The following COL13A1 variants were observed in gnomAD, a reference collection of about 807,000 sequenced individuals.
The protein encoded by COL13A1 is collagen alpha-1(XIII) chain.
A neutral mutation model predicts 130.9 loss-of-function variants in COL13A1; 89 were observed. That is an observed-to-expected ratio of 0.68 (90% CI 0.57 to 0.81). The LOEUF (loss-of-function observed/expected upper bound fraction) is 0.81. COL13A1 is among the 30% of genes least tolerant of loss of function. The pLI is 0.00. For missense variants in COL13A1, 879 were observed against 934.6 expected (o/e 0.94, Z 0.78); for synonymous variants, 402 against 341.6 (o/e 1.18, Z -1.95).
At chr10:69,843,099 CT>C (rs1363301286) in intron 2 of COL13A1, among the ~76,000 whole-genome samples, 1 of 152,174 alleles carries the variant, frequency 6.6e-6, no homozygotes, top group Admixed American at 6.5e-5. Context: ...GGGGTTATCT[CT>C]TCCAGCACCC....
chr10:69,877,191 T>A (rs1366235513), intron 5 of COL13A1: 1 of 152,266 alleles, frequency 6.6e-6, no homozygotes, highest in Non-Finnish European at 1.5e-5. Context: ...AGGTGTGACA[T>A]GCCTGGGTCA....
chr10:69,905,651 C>A, intron 16 of COL13A1, 136 bp from the exon 17 acceptor site: 1 of 901,314 alleles, frequency 1.1e-6, no homozygotes, highest in Non-Finnish European at 1.8e-6. Flanking sequence ...CCTGGGAAGG[C>A]TGGAGATGGG....
At chr10:69,857,350 G>A (rs2763353) in intron 2 of COL13A1, among the ~76,000 whole-genome samples, 125,203 of 152,150 alleles carry the variant, frequency 0.82, 51,840 homozygotes, top group East Asian at 0.95. Context: ...TGAGCCCTGC[G>A]TGGGTTCCAG....
Position 69,812,785 on chromosome 10 carries a change from A to C in COL13A1, c.295-9584A>C, listed in dbSNP as rs367565641. On this transcript the variant is annotated intron_variant, in intron 1 of 40. Transcript: ENST00000645393. The stretch of plus-strand genomic sequence containing the variant: ...CTTTTGCACCAACCTACTCCATGCA[A>C]GATCCTTGCCTGGCTCCTAAGAAGT... 2.0e-4 allele frequency among the ~76,000 whole-genome samples: 31 copies of C among 152,394 alleles called. 1 individual carries two copies. In the East Asian group the frequency reaches 5.2e-3, roughly 26 times the overall value.
chr10:69,816,842 A>T (rs1844669552), intron 1 of COL13A1, among the ~76,000 whole-genome samples: 1 of 152,158 alleles, frequency 6.6e-6, no homozygotes. Flanking sequence ...ACAGTAGGGG[A>T]AGAGCCAGGT....
chr10:69,916,574 T>C (rs1476356416), intron 17 of COL13A1, among the ~76,000 whole-genome samples: 1 of 152,184 alleles, frequency 6.6e-6, no homozygotes, highest in Non-Finnish European at 1.5e-5. Context: ...CTTACTGTCA[T>C]AGACTTGGCA....
At chr10:69,880,580 G>C (rs752096887) in intron 7 of COL13A1, 27 bp downstream of exon 7, 1 of 1,611,478 alleles carries the variant, frequency 6.2e-7, no homozygotes, top group Non-Finnish European at 8.5e-7. Context: ...CTTCCTCGGG[G>C]TGTTGGGGGG....
At chr10:69,826,117 A>G (rs554562350) in intron 2 of COL13A1, among the ~76,000 whole-genome samples, 1 of 152,296 alleles carries the variant, frequency 6.6e-6, no homozygotes, top group Admixed American at 6.5e-5. Flanking sequence ...GACCAAGGAA[A>G]CTTTCCCATT....
rs770298954 is a variant in COL13A1, at chr10:69,841,860, C to A, written c.364+19422C>A. ...GGAGGATGAGGAACTGAGGCAGGAG[C>A]AGTGTGGCCTGGGCAGGGAGCTTCG... On this transcript the variant is annotated intron_variant, in intron 2 of 40. Coordinates refer to ENST00000645393, the MANE Select transcript of COL13A1 (RefSeq NM_001368882.1). Among the ~76,000 whole-genome samples the A allele has an allele frequency of 3.2e-4, 49 of 152,154 alleles. 1 individual carries two copies. The highest frequency in any genetic ancestry group is 5.9e-4 in the Non-Finnish European group (40 of 68,042).
At chr10:69,915,669 CCT>C (rs2063842930) in intron 17 of COL13A1, among the ~76,000 whole-genome samples, 1 of 152,188 alleles carries the variant, frequency 6.6e-6, no homozygotes, top group Non-Finnish European at 1.5e-5. Flanking sequence ...GGGCAGAGCC[CCT>C]CTCTACTCAG....
intron 10 of COL13A1, among the ~76,000 whole-genome samples, chr10:69,890,764 C>T (rs908623627): frequency 3.9e-5 from 6 of 152,260 alleles, no homozygotes; most frequent in Non-Finnish European, 7.3e-5. Flanking sequence ...GGGTTTGCCA[C>T]GTGGTTGGCA....
chr10:69,910,004 G>C (rs542794257), intron 17 of COL13A1, among the ~76,000 whole-genome samples: 1 of 152,292 alleles, frequency 6.6e-6, no homozygotes, highest in African/African-American at 2.4e-5. Context: ...GTCTGTCTTT[G>C]CACCCTGGTG....
At chr10:69,856,924 G>T (rs748485836) in intron 2 of COL13A1, among the ~76,000 whole-genome samples, 2 of 152,178 alleles carry the variant, frequency 1.3e-5, no homozygotes, top group Non-Finnish European at 2.9e-5. Flanking sequence ...CCAGCAAAGT[G>T]CAACGGGCAA....
At chr10:69,957,354 T>A (rs952303262) in intron 40 of COL13A1, among the ~76,000 whole-genome samples, 3 of 152,216 alleles carry the variant, frequency 2.0e-5, no homozygotes, top group Non-Finnish European at 4.4e-5. Context: ...GAGTTCCAGA[T>A]CACACTCATA....
At chr10:69,874,775 C>T (rs908038000) in intron 4 of COL13A1, among the ~76,000 whole-genome samples, 7 of 152,182 alleles carry the variant, frequency 4.6e-5, no homozygotes, top group Non-Finnish European at 1.0e-4. Context: ...AGATGAGGCA[C>T]ATCCTGGCCA....
rs1842113559 is a variant in COL13A1 at position 69,808,368 on chromosome 10, C to G, written c.294+5651C>G. On this transcript the variant is annotated intron_variant, in intron 1 of 40. Coordinates refer to ENST00000645393, the MANE Select transcript of COL13A1 (RefSeq NM_001368882.1). ...ACCCAATGTGGGCTCTCTCCCTGCT[C>G]CAACTTCCTGTTGCTCTTCCTAGGT... is the stretch of plus-strand genomic sequence containing the variant. Among the ~76,000 whole-genome samples the G allele has an allele frequency of 3.3e-5, 5 of 152,198 alleles. No individual in the cohort carries two copies. In the South Asian group the frequency reaches 1.0e-3, roughly 32 times the overall value.
intron 4 of COL13A1, among the ~76,000 whole-genome samples, chr10:69,872,414 T>C (rs996073472): frequency 6.6e-6 from 1 of 152,204 alleles, no homozygotes; most frequent in East Asian, 1.9e-4. Flanking sequence ...TGCTGGGGCA[T>C]CTTTAGCTAC....
intron 38 of COL13A1, among the ~76,000 whole-genome samples, chr10:69,948,211 T>C (rs1051521409): frequency 5.9e-5 from 9 of 152,182 alleles, no homozygotes; most frequent in African/African-American, 2.2e-4. Context: ...TGGGATCCCA[T>C]GGAGAGTTAG....
In COL13A1 at chr10:69,905,058, G is replaced by A. The variant is rs2062613415; in HGVS notation, c.885+99G>A. 4 of 1,345,480 alleles carry A rather than the reference G, an allele frequency of 3.0e-6. No individual in the cohort carries two copies. The East Asian group carries it at 1.0e-4, about 34-fold the overall frequency. The allele number at this position is 1,345,480 out of a possible 1,614,324, so 83.3% of individuals were successfully genotyped here. ...AAGGTGACTGAGGCAGGAGCAGAGA[G>A]GGATCTCAGCTGAGAGACAGATCAA... On this transcript the variant is annotated intron_variant, in intron 16 of 40. Coordinates refer to ENST00000645393, the MANE Select transcript of COL13A1 (RefSeq NM_001368882.1).
Sources: gnomAD v4.1 joint callset for allele counts (sites outside exome capture counted in the v4.1 genomes callset) on GRCh38, gnomAD v4.1.1 for gene constraint, MANE v1.5 for transcripts, NCBI Gene and HGNC (gene_info 2026-07-23, HGNC 2026-07-21) for gene names.